FBXW8: variants seen among roughly 807,000 people sequenced by gnomAD.
FBXW8 encodes the protein F-box and WD repeat domain containing 8.
A neutral mutation model predicts 65.3 loss-of-function variants in FBXW8; 57 were observed. The observed-to-expected ratio is 0.87, with a 90% confidence interval of 0.71 to 1.09. FBXW8 has a LOEUF of 1.09. Among genes scored for constraint, FBXW8 ranks in the 50% least tolerant of loss-of-function variants. The pLI is 0.00. For missense variants in FBXW8, 777 were observed against 814.8 expected, an observed-to-expected ratio of 0.95 and a Z score of 0.57; for synonymous variants, 308 against 330.2, an observed-to-expected ratio of 0.93 and a Z score of 0.73.
At chr12:116,916,078 T>C (rs1880385014) in intron 1 of FBXW8, among the ~76,000 whole-genome samples, 1 of 152,192 alleles carries the variant, frequency 6.6e-6, no homozygotes, top group Admixed American at 6.5e-5. Context: ...TTGATCCCTA[T>C]GAATATGCCA....
intron 4 of FBXW8, among the ~76,000 whole-genome samples, chr12:116,956,984 T>C (rs1210181536): frequency 6.6e-6 from 1 of 151,586 alleles, no homozygotes; most frequent in Non-Finnish European, 1.5e-5. Context: ...ATAAACAAAG[T>C]CATCTAAGGT....
intron 6 of FBXW8, 75 bp from the exon 7 acceptor site, chr12:116,988,588 G>A: frequency 7.7e-7 from 1 of 1,297,102 alleles, no homozygotes; most frequent in Non-Finnish European, 1.1e-6. Context: ...TCTCATTGAT[G>A]TGTAGGTGGA....
In FBXW8 at chr12:117,028,401, C is replaced by A; in HGVS notation, c.*229C>A. 1 of 575,750 alleles carries A rather than the reference C, an allele frequency of 1.7e-6. No individual in the cohort carries two copies. The highest frequency in any genetic ancestry group is 3.1e-6 in the Non-Finnish European group (1 of 327,234). The allele number at this position is 575,750 out of a possible 1,614,324, so 35.7% of individuals were successfully genotyped here. A position where few individuals can be genotyped will look rare whatever the true frequency, so the allele number is the denominator to read the frequency against. Reference sequence around the variant, plus strand: ...CACGTGCTGCCAACTCAAACATAGCCTCCTTCCCCACCCAGCTGGCCACCC... The same window carrying A: ...CACGTGCTGCCAACTCAAACATAGCATCCTTCCCCACCCAGCTGGCCACCC... On this transcript the variant is annotated 3_prime_UTR_variant, in exon 11 of 11. Coordinates refer to ENST00000652555, the MANE Select transcript of FBXW8 (RefSeq NM_153348.3). The surrounding 1 kb of genome is among the most constrained non-coding windows in gnomAD (Gnocchi z 4.1).
intron 2 of FBXW8, among the ~76,000 whole-genome samples, chr12:116,933,460 A>G (rs995295464): frequency 7.2e-5 from 11 of 152,198 alleles, no homozygotes; most frequent in African/African-American, 1.4e-4. Context: ...TTTTGGTACA[A>G]TGGGGCTGCA....
intron 4 of FBXW8, among the ~76,000 whole-genome samples, chr12:116,956,440 C>A (rs1289365602): frequency 6.6e-6 from 1 of 152,210 alleles, no homozygotes; most frequent in East Asian, 1.9e-4. Context: ...GCTGCTGCTT[C>A]AGCTGCCAGA....
At chr12:116,982,291 G>A (rs953886900) in intron 5 of FBXW8, among the ~76,000 whole-genome samples, 27 of 152,132 alleles carry the variant, frequency 1.8e-4, no homozygotes, top group Admixed American at 1.4e-3. Context: ...AGACACAAGC[G>A]AAAAGATGGG....
In FBXW8 at chr12:116,952,353, A is replaced by G. The variant is rs536325279; in HGVS notation, c.677+2647A>G. Among the ~76,000 whole-genome samples, 17 of 152,346 alleles carry G rather than the reference A, an allele frequency of 1.1e-4. No homozygotes were observed. In the South Asian group the frequency reaches 3.5e-3, roughly 32 times the overall value. The stretch of plus-strand genomic sequence containing the variant: ...GTTTAGTGACACGACTGTATAATTC[A>G]TATGCCATAAAATTCACTCTTTCAA... On this transcript the variant is annotated intron_variant, in intron 4 of 10. Transcript: ENST00000652555.
At chr12:116,967,847 A>T (rs781493628) in intron 5 of FBXW8, among the ~76,000 whole-genome samples, 1 of 151,470 alleles carries the variant, frequency 6.6e-6, no homozygotes, top group Non-Finnish European at 1.5e-5. Flanking sequence ...ACTCACTACA[A>T]CCTCCGTCTC....
chr12:116,944,241 G>A (rs541949973), intron 2 of FBXW8, among the ~76,000 whole-genome samples: 19 of 152,212 alleles, frequency 1.2e-4, no homozygotes, highest in South Asian at 1.2e-3. Context: ...TCCAGACTCC[G>A]AAAAAGTTGA....
At chr12:116,937,447 A>G (rs1431744924) in intron 2 of FBXW8, among the ~76,000 whole-genome samples, 1 of 152,210 alleles carries the variant, frequency 6.6e-6, no homozygotes, top group Admixed American at 6.5e-5. Context: ...AGGACCGGGA[A>G]GGAGTTCCCT....
chr12:116,999,532 G>A (rs1209207172), intron 7 of FBXW8, among the ~76,000 whole-genome samples: 1 of 152,154 alleles, frequency 6.6e-6, no homozygotes, highest in African/African-American at 2.4e-5. Context: ...CTCCCCGAGC[G>A]CATTTCCCCT....
In FBXW8 at chr12:116,988,782, C is replaced by G. The variant is rs752616383; in HGVS notation, c.1152C>G (p.His384Gln). The part of the protein sequence containing the change: ...EDSARTLLYA[H>Q]GPPVTCLDVS... ...CCGCCAGAACCCTCCTTTACGCCCA[C>G]GGCCCGCCTGTCACATGTCTAGACG... Residue 384 changes from histidine (H) to glutamine (Q), a missense_variant, in exon 7 of 11, where the codon CAC (histidine) becomes CAG (glutamine). By Grantham distance (24) the His-to-Gln change is conservative. Transcript: ENST00000652555. The G allele has an allele frequency of 1.2e-6, 2 of 1,614,042 alleles. No individual in the cohort carries two copies. The highest frequency in any genetic ancestry group is 1.7e-6 in the Non-Finnish European group (2 of 1,180,046).
chr12:116,938,502 T>G (rs994853545), intron 2 of FBXW8, among the ~76,000 whole-genome samples: 1 of 152,234 alleles, frequency 6.6e-6, no homozygotes. Flanking sequence ...TGTACAAATT[T>G]CAGATTGTGT....
intron 6 of FBXW8, chr12:116,986,025 A>C (rs1301704587): frequency 1.3e-5 from 2 of 152,216 alleles, no homozygotes. Flanking sequence ...GTAGAGTGGG[A>C]GATGATTTGG....
chr12:117,002,782 CTT>C (rs1368033563), intron 7 of FBXW8: 1 of 152,144 alleles, frequency 6.6e-6, no homozygotes, highest in Admixed American at 6.5e-5. Flanking sequence ...ATGATTTACT[CTT>C]TTGTCACTGG....
chr12:117,015,040 G>GA (rs1162539575), intron 8 of FBXW8, among the ~76,000 whole-genome samples: 2 of 152,132 alleles, frequency 1.3e-5, no homozygotes, highest in Non-Finnish European at 2.9e-5. Flanking sequence ...ACAAGAAAGA[G>GA]AAAAAAACCT....
intron 7 of FBXW8, among the ~76,000 whole-genome samples, chr12:116,996,231 G>T (rs1953370055): frequency 1.3e-5 from 2 of 152,202 alleles, no homozygotes; most frequent in Non-Finnish European, 2.9e-5. Context: ...AATCCAGGAG[G>T]CTGGAATGCG....
intron 7 of FBXW8, among the ~76,000 whole-genome samples, chr12:117,007,727 CAA>C (rs1953711775): frequency 6.6e-6 from 1 of 152,128 alleles, no homozygotes; most frequent in South Asian, 2.1e-4. Flanking sequence ...ATGGTCTTAA[CAA>C]GAGGGAGAGT....
chr12:116,999,338 C>T (rs148958336), intron 7 of FBXW8, among the ~76,000 whole-genome samples: 11 of 152,296 alleles, frequency 7.2e-5, no homozygotes, highest in African/African-American at 1.2e-4. Flanking sequence ...GTGCCAGGGA[C>T]GTGGGATGAC....
Sources: gnomAD v4.1 joint callset for allele counts (sites outside exome capture counted in the v4.1 genomes callset) on GRCh38, gnomAD v4.1.1 for gene constraint, Gnocchi (gnomAD v3.1) non-coding constraint, MANE v1.5 for transcripts, NCBI Gene and HGNC (gene_info 2026-07-23, HGNC 2026-07-21) for gene names.